Variants in WNT7B observed in about 807,000 individuals in gnomAD.
The protein encoded by WNT7B is Wnt family member 7B, also known as protein Wnt-7b.
Under a neutral mutation model 38.2 loss-of-function variants are expected in WNT7B, and 19 were observed. That is an observed-to-expected ratio of 0.50 (90% confidence interval 0.35 to 0.73). WNT7B has a LOEUF of 0.73. WNT7B is among the 30% of genes least tolerant of loss of function. WNT7B has a pLI of 0.01. For synonymous variants in WNT7B, 243 were observed against 209.3 expected (o/e 1.16, Z -1.39); for missense variants, 423 against 507.9 (o/e 0.83, Z 1.61).
intron 2 of WNT7B, among the ~76,000 whole-genome samples, chr22:45,949,397 C>A (rs993509807): frequency 1.9e-4 from 29 of 149,718 alleles, no homozygotes; most frequent in African/African-American, 6.6e-4. Context: ...GAGCATCCTG[C>A]ACAGTTCACT....
At chr22:45,928,857 CGCATACCACG>C (rs1234129162) in intron 3 of WNT7B, among the ~76,000 whole-genome samples, 5 of 98,860 alleles carry the variant, frequency 5.1e-5, no homozygotes, top group South Asian at 3.3e-4. Flanking sequence ...TTCCCCATAC[CGCATACCACG>C]ACATACCACG....
chr22:45,945,396 T>A (rs1352924039), intron 2 of WNT7B, among the ~76,000 whole-genome samples: 2 of 152,228 alleles, frequency 1.3e-5, no homozygotes, highest in African/African-American at 4.8e-5. Context: ...TTAATTTTGA[T>A]AGTATATTTT....
At chr22:45,949,747 T>A (rs1239961575) in intron 2 of WNT7B, among the ~76,000 whole-genome samples, 173 bp downstream of exon 2, 1 of 152,192 alleles carries the variant, frequency 6.6e-6, no homozygotes, top group Non-Finnish European at 1.5e-5. Flanking sequence ...CCAGAAGCAG[T>A]GGTGCTGCCT....
At position 45,949,977 on chromosome 22, in the gene WNT7B, G is replaced by A. The variant is rs148334575; in HGVS notation, c.241C>T (p.Arg81Cys). Residue 81 changes from arginine (R) to cysteine (C), a missense_variant, in exon 2 of 4, where the codon CGC (arginine) becomes TGC (cysteine). Around this residue, in one of 3 missense-constraint regions of WNT7B, gnomAD observed 133 missense variants for 179.8 expected, o/e 0.74. Transcript: ENST00000339464. Reference protein sequence around the residue: ...NECQYQFRFGRWNCSALGEKT... With the variant: ...NECQYQFRFGCWNCSALGEKT... ...TCGCCGAGGGCAGAGCAGTTCCAGCGTCCGAAGCGGAACTGGTACTGGCAC... is the reference window on the plus strand; with the variant it reads ...TCGCCGAGGGCAGAGCAGTTCCAGCATCCGAAGCGGAACTGGTACTGGCAC... 3.1e-6 allele frequency: 5 copies of A among 1,613,866 alleles called. No homozygotes were observed. The highest frequency in any genetic ancestry group is 1.1e-5 in the South Asian group (1 of 91,090).
At position 45,973,383 on chromosome 22, in the gene WNT7B, G is replaced by C. The variant is rs952400448; in HGVS notation, c.71+3301C>G. On this transcript the variant is annotated intron_variant, in intron 1 of 3. Coordinates refer to ENST00000339464, the MANE Select transcript of WNT7B (RefSeq NM_058238.3). ...AAGATGGCAAGACAAGGGAAGGCTGGGCGGTCTGGCCCGTCGTCCTGAGGA... is the reference window on the plus strand; with the variant it reads ...AAGATGGCAAGACAAGGGAAGGCTGCGCGGTCTGGCCCGTCGTCCTGAGGA... Among the ~76,000 whole-genome samples the C allele has an allele frequency of 9.8e-5, 15 of 152,334 alleles. No individual in the cohort carries two copies. The East Asian group carries it at 2.1e-3, about 22-fold the overall frequency.
chr22:45,930,403 C>T (rs539474756), intron 3 of WNT7B, among the ~76,000 whole-genome samples: 138 of 148,266 alleles, frequency 9.3e-4, no homozygotes, highest in Non-Finnish European at 1.2e-3. Context: ...GAGCCGGAGC[C>T]GGCTGGGCGT....
rs984243221 is a variant in WNT7B at position 45,966,362 on chromosome 22, C to T, written c.71+10322G>A. Among the ~76,000 whole-genome samples the T allele has an allele frequency of 2.6e-5, 4 of 152,352 alleles. No individual in the cohort carries two copies. The highest frequency in any genetic ancestry group is 4.8e-5 in the African/African-American group (2 of 41,574). On this transcript the variant is annotated intron_variant, in intron 1 of 3. Coordinates refer to ENST00000339464, the MANE Select transcript of WNT7B (RefSeq NM_058238.3). This position sits in a 1 kb window ranked among gnomAD's most constrained non-coding sequence, Gnocchi z 4.2. The stretch of plus-strand genomic sequence containing the variant: ...ACCCTGGCCACGCCAATACCCACTG[C>T]GCGGAGGCCAGCTGAGACACCACCA...
intron 3 of WNT7B, chr22:45,927,308 AGGGAGCTTGG>A (rs1414277838): frequency 2.0e-6 from 2 of 985,154 alleles, no homozygotes; most frequent in Non-Finnish European, 2.4e-6. Flanking sequence ...CCCGCCCCCC[AGGGAGCTTGG>A]GGAAGGGCAG....
In WNT7B at chr22:45,966,734, C is replaced by T. The variant is rs1038622335; in HGVS notation, c.71+9950G>A. Among the ~76,000 whole-genome samples, 2 of 152,230 alleles carry T rather than the reference C, an allele frequency of 1.3e-5. No individual in the cohort carries two copies. The highest frequency in any genetic ancestry group is 2.9e-5 in the Non-Finnish European group (2 of 68,038). ...GGCAGCTCCAGCACCTCAGCTGCCA[C>T]CTGCTCCAGCCTGGGGATGGAGGAA... is the stretch of plus-strand genomic sequence containing the variant. On this transcript the variant is annotated intron_variant, in intron 1 of 3. Transcript: ENST00000339464. The surrounding 1 kb of genome is among the most constrained non-coding windows in gnomAD (Gnocchi z 4.2).
intron 1 of WNT7B, among the ~76,000 whole-genome samples, chr22:45,968,557 T>C (rs73446573): frequency 0.01 from 1,574 of 152,286 alleles, 32 homozygotes; most frequent in African/African-American, 0.036. Flanking sequence ...CGGCGCATTA[T>C]CCTACAGGCC....
chr22:45,927,163 C>T (rs1011299704), intron 3 of WNT7B: 15 of 985,302 alleles, frequency 1.5e-5, no homozygotes, highest in African/African-American at 1.7e-5. Flanking sequence ...CCTGCCTGCC[C>T]CACGTAGCAG....
chr22:45,934,938 G>A (rs912341019), intron 2 of WNT7B, among the ~76,000 whole-genome samples: 8 of 152,208 alleles, frequency 5.3e-5, no homozygotes, highest in African/African-American at 9.7e-5. Context: ...GCTCCCGTGC[G>A]CCCGGCACGT....
rs545381878 is a variant in WNT7B, at chr22:45,951,669, C to G, written c.72-1523G>C. Among the ~76,000 whole-genome samples, 2 of 152,320 alleles carry G rather than the reference C, an allele frequency of 1.3e-5. No homozygotes were observed. The highest frequency in any genetic ancestry group is 4.8e-5 in the African/African-American group (2 of 41,560). ...GACCTTTGGCGTCTGGCTTCTTTCA[C>G]TTAGCGTCGTGTTTTCAAGGGTCAT... On this transcript the variant is annotated intron_variant, in intron 1 of 3. Coordinates refer to ENST00000339464, the MANE Select transcript of WNT7B (RefSeq NM_058238.3). This position sits in a 1 kb window ranked among gnomAD's most constrained non-coding sequence, Gnocchi z 4.8.
rs1056921543 is a variant in WNT7B, at chr22:45,927,473, G to A, written c.570+3625C>T. On this transcript the variant is annotated intron_variant, in intron 3 of 3. Transcript: ENST00000339464. ...ATAGCAACCCCCCAAATTCATGTCT[G>A]CTCAGAGCCTCGGCAAGTGACTTTA... 8.4e-6 allele frequency: 13 copies of A among 1,549,808 alleles called. No individual in the cohort carries two copies. The African/African-American group carries it at 1.8e-4, about 21-fold the overall frequency.
intron 2 of WNT7B, among the ~76,000 whole-genome samples, chr22:45,941,174 C>T (rs368467445): frequency 3.3e-5 from 5 of 152,112 alleles, no homozygotes; most frequent in African/African-American, 1.2e-4. Flanking sequence ...GTAGAGCTAA[C>T]GGGATTAGCA....
chr22:45,942,945 T>C (rs1931692073), intron 2 of WNT7B, among the ~76,000 whole-genome samples: 2 of 139,470 alleles, frequency 1.4e-5, no homozygotes, highest in African/African-American at 5.4e-5. Context: ...TGTAGGCGTG[T>C]ATGTGTGCAG....
chr22:45,948,827 C>CCTTTTTTTTTTTTTTTTTTT (rs1931857475), intron 2 of WNT7B, among the ~76,000 whole-genome samples: 1 of 90,102 alleles, frequency 1.1e-5, no homozygotes, highest in African/African-American at 3.9e-5. Flanking sequence ...CCAAAGATCC[C>CCTTTTTTTTTTTTTTTTTTT]TTTTTTTTTT....
Position 45,951,639 on chromosome 22 carries a change from T to C in WNT7B, c.72-1493A>G, listed in dbSNP as rs75862558. On this transcript the variant is annotated intron_variant, in intron 1 of 3. Transcript: ENST00000339464. The surrounding 1 kb of genome is among the most constrained non-coding windows in gnomAD (Gnocchi z 4.8). Reference sequence around the variant, plus strand: ...GTTTCCTATGGATGGAACCATTCATTGTGTGACCTTTGGCGTCTGGCTTCT... The same window carrying C: ...GTTTCCTATGGATGGAACCATTCATCGTGTGACCTTTGGCGTCTGGCTTCT... 0.53 allele frequency among the ~76,000 whole-genome samples: 79,865 copies of C among 151,672 alleles called. 22,991 individuals carry two copies. The highest frequency in any genetic ancestry group is 0.77 in the African/African-American group (31,715 of 41,342).
rs1569109175 is a variant in WNT7B, at chr22:45,926,395, G to A, written c.571-3060C>T. 4 of 984,086 alleles carry A rather than the reference G, an allele frequency of 4.1e-6. No homozygotes were observed. The African/African-American group carries it at 5.2e-5, about 13-fold the overall frequency. 61.0% of individuals were successfully genotyped at this position (984,086 alleles called of 1,614,324 possible). ...TCGACGCTGGGGGCCTGGTTGGGCA[G>A]GGGGGTGGTGGACTGAGGGGGCTCC... is the stretch of plus-strand genomic sequence containing the variant. On this transcript the variant is annotated intron_variant, in intron 3 of 3. Coordinates refer to ENST00000339464, the MANE Select transcript of WNT7B (RefSeq NM_058238.3).
Sources: allele counts gnomAD v4.1 joint callset (sites outside exome capture counted in the v4.1 genomes callset), GRCh38; gene constraint gnomAD v4.1.1; regional missense constraint gnomAD v4.1.1; non-coding constraint Gnocchi (gnomAD v3.1); transcripts MANE v1.5; gene names NCBI Gene and HGNC (gene_info 2026-07-23, HGNC 2026-07-21).